KCNN2: variants seen among roughly 807,000 people sequenced by gnomAD.
KCNN2 encodes small conductance calcium-activated potassium channel protein 2.
KCNN2 carries 24 observed loss-of-function variants against 55.5 expected under a neutral mutation model. That is an observed-to-expected ratio of 0.43 (90% CI 0.31 to 0.61). The LOEUF (loss-of-function observed/expected upper bound fraction) is 0.61, where lower values mean the gene tolerates loss of function less well. Among genes scored for constraint, KCNN2 ranks in the 20% least tolerant of loss-of-function variants. The pLI is 0.08. For synonymous variants in KCNN2, 431 were observed against 336.1 expected (o/e 1.28, Z -3.09); for missense variants, 754 against 853.6 (o/e 0.88, Z 1.45).
intron 1 of KCNN2, among the ~76,000 whole-genome samples, chr5:114,185,094 C>A (rs1753305358): frequency 6.6e-6 from 1 of 152,204 alleles, no homozygotes; most frequent in East Asian, 1.9e-4. Flanking sequence ...GAGCTTTTAA[C>A]CCTTATGAGA....
chr5:114,059,520 C>T (rs990063331), intron 1 of KCNN2, among the ~76,000 whole-genome samples: 1 of 152,082 alleles, frequency 6.6e-6, no homozygotes, highest in African/African-American at 2.4e-5. Context: ...TTTCCCCTAG[C>T]AAAGTATAAG....
At position 114,496,211 on chromosome 5, in the gene KCNN2, CT is replaced by C. The variant is rs1437045820; in HGVS notation, c.*34del. 4.4e-6 allele frequency: 7 copies of C among 1,605,904 alleles called. No individual in the cohort carries two copies. Among genetic ancestry groups the C allele is most frequent in the Non-Finnish European group, 5.1e-6 (6 of 1,175,164 alleles). On this transcript the variant is annotated 3_prime_UTR_variant, in exon 8 of 8. Coordinates refer to ENST00000673685, the MANE Select transcript of KCNN2 (RefSeq NM_021614.4). ...AGAATAAGTTAACCACAAAATAAGACTTTTTGCCATCATATGGTCAATATTT... is the reference window on the plus strand; with the variant it reads ...AGAATAAGTTAACCACAAAATAAGACTTTTGCCATCATATGGTCAATATTT...
intron 1 of KCNN2, among the ~76,000 whole-genome samples, chr5:114,196,650 A>G (rs1262131515): frequency 2.6e-5 from 4 of 152,038 alleles, no homozygotes; most frequent in Non-Finnish European, 5.9e-5. Context: ...ATAGTTATTC[A>G]TAGTATTTCC....
At chr5:114,102,865 T>C (rs143917796) in intron 1 of KCNN2, among the ~76,000 whole-genome samples, 464 of 152,340 alleles carry the variant, frequency 3.0e-3, no homozygotes, top group African/African-American at 0.01. Context: ...TGAAGTCAGG[T>C]AGCGTGATGC....
intron 1 of KCNN2, among the ~76,000 whole-genome samples, chr5:114,084,743 C>G (rs1344427092): frequency 6.6e-6 from 1 of 151,944 alleles, no homozygotes; most frequent in East Asian, 1.9e-4. Context: ...TCACAGAACA[C>G]AAGGCCACCT....
intron 2 of KCNN2, among the ~76,000 whole-genome samples, chr5:114,316,159 A>T (rs1756496038): frequency 6.6e-6 from 1 of 152,144 alleles, no homozygotes; most frequent in African/African-American, 2.4e-5. Context: ...CCCTAAATTA[A>T]ATTGCCAGGA....
intron 1 of KCNN2, among the ~76,000 whole-genome samples, chr5:114,174,207 C>T (rs576120387): frequency 1.4e-4 from 21 of 152,088 alleles, no homozygotes; most frequent in Non-Finnish European, 2.5e-4. Context: ...CAAATTTTGT[C>T]CCCCAGTATA....
chr5:114,344,343 G>A (rs1364800934), intron 2 of KCNN2, among the ~76,000 whole-genome samples: 2 of 152,312 alleles, frequency 1.3e-5, no homozygotes, highest in East Asian at 3.9e-4. Flanking sequence ...TATACTCACA[G>A]CAAAGAATGC....
chr5:114,251,289 TA>T (rs1754855038), intron 2 of KCNN2, among the ~76,000 whole-genome samples: 1 of 152,234 alleles, frequency 6.6e-6, no homozygotes, highest in South Asian at 2.1e-4. Flanking sequence ...TGATCTGGAC[TA>T]ATGGAAAGTC....
intron 5 of KCNN2, among the ~76,000 whole-genome samples, chr5:114,477,161 G>C (rs557833447): frequency 9.5e-4 from 139 of 146,812 alleles, no homozygotes; most frequent in Non-Finnish European, 1.7e-3. Flanking sequence ...CATTTTTTCT[G>C]ATGGTTAACA....
chr5:114,279,352 G>T (rs1210244543), intron 2 of KCNN2, among the ~76,000 whole-genome samples: 3 of 152,006 alleles, frequency 2.0e-5, no homozygotes, highest in Admixed American at 6.6e-5. Flanking sequence ...TGCACAGTGT[G>T]CAGGTTTGTT....
At chr5:114,335,772 G>T (rs1756911680) in intron 2 of KCNN2, among the ~76,000 whole-genome samples, 2 of 152,282 alleles carry the variant, frequency 1.3e-5, no homozygotes, top group Non-Finnish European at 2.9e-5. Flanking sequence ...AAGAAAAAAA[G>T]ATATAGTAAG....
chr5:114,487,567 A>C (rs965272876), intron 6 of KCNN2, among the ~76,000 whole-genome samples: 1 of 152,140 alleles, frequency 6.6e-6, no homozygotes, highest in Admixed American at 6.6e-5. Context: ...TAGTACTTGA[A>C]TTTTAAGTTA....
Position 114,344,362 on chromosome 5 carries a change from A to G in KCNN2, c.-184-16583A>G, listed in dbSNP as rs75968336. 3.6e-3 allele frequency among the ~76,000 whole-genome samples: 547 copies of G among 152,334 alleles called. 3 individuals are homozygous for G. The highest frequency in any genetic ancestry group is 0.011 in the East Asian group (56 of 5,182). ...CTCACAGCAAAGAATGCAGATGGAAAGGAAGAGTGTAGGGTAAGGTCTGGG... is the reference window on the plus strand; with the variant it reads ...CTCACAGCAAAGAATGCAGATGGAAGGGAAGAGTGTAGGGTAAGGTCTGGG... On this transcript the variant is annotated intron_variant, in intron 2 of 10. Coordinates refer to the KCNN2 transcript ENST00000512097.
chr5:114,235,800 G>C (rs1210507100), intron 2 of KCNN2, among the ~76,000 whole-genome samples: 1 of 152,178 alleles, frequency 6.6e-6, no homozygotes, highest in East Asian at 1.9e-4. Flanking sequence ...CATTTTCCAA[G>C]AAGCAATTAA....
chr5:114,118,527 G>T (rs375797315), intron 1 of KCNN2, among the ~76,000 whole-genome samples: 6 of 152,052 alleles, frequency 3.9e-5, no homozygotes, highest in Admixed American at 6.6e-5. Flanking sequence ...CAGCTCACCA[G>T]TGAGGCAGAA....
At chr5:114,194,270 TG>T (rs751905077) in intron 1 of KCNN2, among the ~76,000 whole-genome samples, 2 of 152,070 alleles carry the variant, frequency 1.3e-5, no homozygotes, top group Non-Finnish European at 2.9e-5. Flanking sequence ...TTTGAAGAAA[TG>T]CTAAACTGTT....
At chr5:114,476,382 G>GGAGTCTCTTAT (rs1275550840) in intron 5 of KCNN2, among the ~76,000 whole-genome samples, 1 of 151,756 alleles carries the variant, frequency 6.6e-6, no homozygotes, top group African/African-American at 2.4e-5. Flanking sequence ...TCTTGAGACC[G>GGAGTCTCTTAT]GAGTCTCTTA....
chr5:114,354,295 T>C (rs1259572810), intron 2 of KCNN2, among the ~76,000 whole-genome samples: 1 of 152,152 alleles, frequency 6.6e-6, no homozygotes, highest in African/African-American at 2.4e-5. Context: ...ATTCTCTGTT[T>C]GATGAGTCAT....
Sources: gnomAD v4.1 joint callset for allele counts (sites outside exome capture counted in the v4.1 genomes callset) on GRCh38, gnomAD v4.1.1 for gene constraint, MANE v1.5 for transcripts, NCBI Gene and HGNC (gene_info 2026-07-23, HGNC 2026-07-21) for gene names.